The following DGKI variants were observed in gnomAD, a reference collection of about 807,000 sequenced individuals.
DGKI encodes the protein diacylglycerol kinase iota.
A neutral mutation model predicts 147.5 loss-of-function variants in DGKI; 55 were observed. That is an observed-to-expected ratio of 0.37 (90% CI 0.30 to 0.47). The LOEUF is 0.47. Ranked by LOEUF, DGKI falls within the 20% of genes least tolerant of loss-of-function variation. The pLI is 1.00. For missense variants in DGKI, 1,007 were observed against 1,323.8 expected (o/e 0.76, Z 3.71); for synonymous variants, 469 against 477.1 (o/e 0.98, Z 0.22).
At chr7:137,618,469 C>T (rs568143598) in intron 8 of DGKI, among the ~76,000 whole-genome samples, 1 of 149,728 alleles carries the variant, frequency 6.7e-6, no homozygotes, top group South Asian at 2.1e-4. Context: ...TCATGAAGCC[C>T]TCCCCCCCAC....
chr7:137,444,267 T>C (rs1159505611), intron 27 of DGKI, among the ~76,000 whole-genome samples, 165 bp from the exon 28 acceptor site: 1 of 152,188 alleles, frequency 6.6e-6, no homozygotes, highest in African/African-American at 2.4e-5. Flanking sequence ...AATCAACAAT[T>C]CCCAACTCTT....
chr7:137,533,111 A>T (rs1438420095), intron 20 of DGKI, among the ~76,000 whole-genome samples: 1 of 152,050 alleles, frequency 6.6e-6, no homozygotes, highest in African/African-American at 2.4e-5. Context: ...ACATAGTGAG[A>T]TCATCTCTAA....
intron 1 of DGKI, among the ~76,000 whole-genome samples, chr7:137,697,701 C>A (rs1296683298): frequency 1.3e-5 from 2 of 152,002 alleles, no homozygotes; most frequent in Non-Finnish European, 2.9e-5. Flanking sequence ...TATACAGAAA[C>A]AACAAAATTA....
intron 1 of DGKI, among the ~76,000 whole-genome samples, chr7:137,716,925 T>C (rs541042099): frequency 8.5e-4 from 129 of 152,326 alleles, no homozygotes; most frequent in African/African-American, 2.9e-3. Context: ...ACCTGACTCT[T>C]ACAGAACTTG....
intron 16 of DGKI, 45 bp from the exon 17 acceptor site, chr7:137,577,329 G>A: frequency 3.7e-6 from 5 of 1,335,328 alleles, no homozygotes; most frequent in Non-Finnish European, 5.3e-6. Flanking sequence ...TAATTACATG[G>A]TGATACCAAA....
chr7:137,401,578 T>A (rs1351857623), intron 30 of DGKI, among the ~76,000 whole-genome samples: 4 of 151,986 alleles, frequency 2.6e-5, no homozygotes, highest in African/African-American at 9.7e-5. Context: ...ATGGGTAACA[T>A]TTGAGTTTGG....
Position 137,814,463 on chromosome 7 carries a change from T to C in DGKI, c.401+31999A>G, listed in dbSNP as rs576824545. 1.1e-4 allele frequency among the ~76,000 whole-genome samples: 16 copies of C among 152,246 alleles called. No individual in the cohort carries two copies. In the South Asian group the frequency reaches 1.5e-3, roughly 14 times the overall value. On this transcript the variant is annotated intron_variant, in intron 1 of 32. Transcript: ENST00000614521. ...TTTAGTTCATTATTTTTCCCACCCA[T>C]CTATGTTTTGGGGTGCATTGTTTGA...
intron 1 of DGKI, among the ~76,000 whole-genome samples, chr7:137,806,001 C>A (rs1024465570): frequency 6.6e-6 from 1 of 152,178 alleles, no homozygotes; most frequent in African/African-American, 2.4e-5. Context: ...CAGATAAGAG[C>A]AAGGGGACAG....
At chr7:137,498,382 T>C (rs939063966) in intron 21 of DGKI, among the ~76,000 whole-genome samples, 6 of 151,704 alleles carry the variant, frequency 4.0e-5, no homozygotes, top group Non-Finnish European at 5.9e-5. Flanking sequence ...AGAATAAATA[T>C]AAAAAACAAA....
At chr7:137,638,329 T>G (rs1473348669) in intron 6 of DGKI, among the ~76,000 whole-genome samples, 1 of 150,930 alleles carries the variant, frequency 6.6e-6, no homozygotes, top group African/African-American at 2.4e-5. Context: ...CTCCAATTTT[T>G]ATCTTAAATG....
chr7:137,493,398 C>T (rs1426160915), intron 21 of DGKI, among the ~76,000 whole-genome samples: 1 of 152,184 alleles, frequency 6.6e-6, no homozygotes, highest in Non-Finnish European at 1.5e-5. Context: ...CTGGCATGTA[C>T]AAATGAGCAC....
At chr7:137,552,697 T>C in intron 19 of DGKI, 129 bp from the exon 20 acceptor site, 2 of 881,058 alleles carry the variant, frequency 2.3e-6, no homozygotes, top group African/African-American at 1.7e-5. Flanking sequence ...TCACCGGTGG[T>C]CAGGAGTTCC....
intron 8 of DGKI, among the ~76,000 whole-genome samples, chr7:137,615,460 C>A (rs1585288028): frequency 2.0e-5 from 3 of 150,364 alleles, no homozygotes; most frequent in Non-Finnish European, 4.4e-5. Context: ...TTAAGAACAT[C>A]TTCTCTATTA....
intron 17 of DGKI, among the ~76,000 whole-genome samples, chr7:137,575,370 T>C (rs995230702): frequency 6.6e-6 from 1 of 152,168 alleles, no homozygotes; most frequent in Admixed American, 6.5e-5. Context: ...AAGTCACCCA[T>C]GCATGAGACA....
chr7:137,705,280 C>A (rs1793979987), intron 1 of DGKI, among the ~76,000 whole-genome samples: 1 of 151,858 alleles, frequency 6.6e-6, no homozygotes, highest in African/African-American at 2.4e-5. Flanking sequence ...ATATTCATAG[C>A]AGCTTTATTC....
In DGKI at chr7:137,716,743, C is replaced by A. The variant is rs75021861; in HGVS notation, c.402-26741G>T. ...GTGCAAAATACCTTCTGTCCGAATT[C>A]CCCAAGATCAAGGTAGGCACCTCCT... On this transcript the variant is annotated intron_variant, in intron 1 of 32. Transcript: ENST00000614521. Among the ~76,000 whole-genome samples the A allele has an allele frequency of 5.2e-3, 798 of 152,314 alleles. 4 individuals carry two copies. The highest frequency in any genetic ancestry group is 0.01 in the Middle Eastern group (3 of 294).
intron 19 of DGKI, among the ~76,000 whole-genome samples, chr7:137,553,207 T>C (rs1818112078): frequency 2.0e-5 from 3 of 152,230 alleles, no homozygotes; most frequent in Admixed American, 6.5e-5. Flanking sequence ...CCAATGAAAG[T>C]AGAACAAAAC....
chr7:137,718,431 G>C (rs1228609998), intron 1 of DGKI, among the ~76,000 whole-genome samples: 1 of 152,170 alleles, frequency 6.6e-6, no homozygotes, highest in Non-Finnish European at 1.5e-5. Context: ...GGGAGGCTGA[G>C]AAGGGAACCG....
intron 30 of DGKI, among the ~76,000 whole-genome samples, chr7:137,402,914 C>G (rs1811814585): frequency 6.6e-6 from 1 of 152,128 alleles, no homozygotes; most frequent in Non-Finnish European, 1.5e-5. Context: ...GACAAAATAA[C>G]CCATTGAAAT....
Sources: gnomAD v4.1 joint callset for allele counts (sites outside exome capture counted in the v4.1 genomes callset) on GRCh38, gnomAD v4.1.1 for gene constraint, MANE v1.5 for transcripts, NCBI Gene and HGNC (gene_info 2026-07-23, HGNC 2026-07-21) for gene names.